The following SCFD2 variants were observed in gnomAD, a reference collection of about 807,000 sequenced individuals.
The protein encoded by SCFD2 is sec1 family domain-containing protein 2.
A neutral mutation model predicts 58.9 loss-of-function variants in SCFD2; 54 were observed. The ratio of observed to expected loss-of-function variants is 0.92; its 90% CI spans 0.74 to 1.15. The LOEUF (loss-of-function observed/expected upper bound fraction) is 1.15. SCFD2 is among the 50% of genes most tolerant of loss of function. SCFD2 has a pLI of 0.00. For synonymous variants in SCFD2, 321 were observed against 335.9 expected, an observed-to-expected ratio of 0.96 and a Z score of 0.49; for missense variants, 805 against 836.6, an observed-to-expected ratio of 0.96 and a Z score of 0.47.
chr4:53,118,966 A>C (rs1725399421), intron 5 of SCFD2, among the ~76,000 whole-genome samples: 1 of 152,170 alleles, frequency 6.6e-6, no homozygotes, highest in Non-Finnish European at 1.5e-5. Flanking sequence ...CTTGAAATGC[A>C]TTTTTAAGTA....
chr4:53,325,024 G>A (rs1332431771), intron 2 of SCFD2, among the ~76,000 whole-genome samples: 6 of 152,102 alleles, frequency 3.9e-5, no homozygotes, highest in Non-Finnish European at 8.8e-5. Context: ...AGATACATAT[G>A]ATCCCCAACC....
intron 5 of SCFD2, among the ~76,000 whole-genome samples, chr4:53,137,171 G>C (rs1725967292): frequency 6.6e-6 from 1 of 152,050 alleles, no homozygotes; most frequent in African/African-American, 2.4e-5. Context: ...GCAGTCAGAG[G>C]TTGCCATGAA....
At chr4:53,086,159 C>T (rs184843409) in intron 5 of SCFD2, among the ~76,000 whole-genome samples, 26 of 152,158 alleles carry the variant, frequency 1.7e-4, no homozygotes, top group African/African-American at 4.6e-4. Flanking sequence ...TCAGAATATA[C>T]GAGGAGCTCG....
At chr4:53,219,942 A>G (rs1457882447) in intron 4 of SCFD2, among the ~76,000 whole-genome samples, 1 of 151,772 alleles carries the variant, frequency 6.6e-6, no homozygotes, top group Non-Finnish European at 1.5e-5. Context: ...ACTTCCAAAC[A>G]CTCACACCAC....
intron 6 of SCFD2, among the ~76,000 whole-genome samples, chr4:52,917,184 GGT>G (rs1394410425): frequency 6.6e-6 from 1 of 152,158 alleles, no homozygotes; most frequent in Non-Finnish European, 1.5e-5. Context: ...TGGGATTACA[GGT>G]GTGAACCACT....
intron 2 of SCFD2, among the ~76,000 whole-genome samples, chr4:53,329,943 A>C (rs1256115142): frequency 3.9e-5 from 6 of 152,018 alleles, no homozygotes; most frequent in Admixed American, 6.5e-5. Flanking sequence ...AACTACATGA[A>C]GAATGCAGAA....
At chr4:53,335,955 T>A (rs1733671051) in intron 2 of SCFD2, among the ~76,000 whole-genome samples, 1 of 152,176 alleles carries the variant, frequency 6.6e-6, no homozygotes, top group African/African-American at 2.4e-5. Context: ...AATCTCTTTA[T>A]ATAAAACATA....
intron 5 of SCFD2, among the ~76,000 whole-genome samples, chr4:52,973,370 ATCAGAGAATAC>A (rs893835890): frequency 3.9e-5 from 6 of 152,260 alleles, no homozygotes; most frequent in Non-Finnish European, 2.9e-5. Flanking sequence ...ACAAACTACC[ATCAGAGAATAC>A]TATAAACAAC....
At chr4:52,905,466 C>A (rs981898385) in intron 7 of SCFD2, among the ~76,000 whole-genome samples, 7 of 152,232 alleles carry the variant, frequency 4.6e-5, no homozygotes, top group Non-Finnish European at 7.3e-5. Flanking sequence ...AACTCTCCCC[C>A]ACCCCCTGTA....
At chr4:52,998,818 T>A (rs1721801202) in intron 5 of SCFD2, among the ~76,000 whole-genome samples, 1 of 152,112 alleles carries the variant, frequency 6.6e-6, no homozygotes, top group Admixed American at 6.6e-5. Context: ...AATAATAATA[T>A]TAACAATAAT....
At chr4:52,885,714 G>A (rs1200741203) in intron 8 of SCFD2, 33 bp downstream of exon 8, 1 of 1,612,044 alleles carries the variant, frequency 6.2e-7, no homozygotes, top group Admixed American at 1.7e-5. Flanking sequence ...CCCTACTTCT[G>A]AGCTCTTGTT....
chr4:53,089,324 C>T (rs1484840162), intron 5 of SCFD2, among the ~76,000 whole-genome samples: 1 of 152,068 alleles, frequency 6.6e-6, no homozygotes, highest in Admixed American at 6.6e-5. Flanking sequence ...ATTTTTCCAG[C>T]TCTTTTAATT....
intron 5 of SCFD2, among the ~76,000 whole-genome samples, chr4:53,050,305 T>C (rs746760895): frequency 6.6e-6 from 1 of 152,238 alleles, no homozygotes; most frequent in Non-Finnish European, 1.5e-5. Flanking sequence ...AAGGCAGTCA[T>C]GAGCACTGCT....
chr4:53,218,756 T>A (rs183823946), intron 4 of SCFD2, among the ~76,000 whole-genome samples: 1 of 152,226 alleles, frequency 6.6e-6, no homozygotes, highest in Admixed American at 6.5e-5. Context: ...CTCTGCTTTT[T>A]CCCCATCTTT....
chr4:52,970,611 A>C (rs1033278364), intron 5 of SCFD2, among the ~76,000 whole-genome samples: 1 of 152,204 alleles, frequency 6.6e-6, no homozygotes, highest in Admixed American at 6.5e-5. Flanking sequence ...GCCAAACAAA[A>C]GGCAGCAGAG....
intron 5 of SCFD2, among the ~76,000 whole-genome samples, chr4:52,990,867 G>T (rs1187157262): frequency 6.6e-6 from 1 of 152,206 alleles, no homozygotes; most frequent in East Asian, 1.9e-4. Context: ...TAACTCTTAC[G>T]CATCAGTTTT....
At chr4:53,099,254 T>A (rs1468927322) in intron 5 of SCFD2, among the ~76,000 whole-genome samples, 1 of 152,102 alleles carries the variant, frequency 6.6e-6, no homozygotes, top group Non-Finnish European at 1.5e-5. Flanking sequence ...ACTTCTACAA[T>A]CTCCTTTTGT....
chr4:52,879,673 C>T (rs569426168), intron 8 of SCFD2, among the ~76,000 whole-genome samples: 2 of 152,358 alleles, frequency 1.3e-5, no homozygotes, highest in African/African-American at 4.8e-5. Flanking sequence ...CTGAACTCCA[C>T]ATGGGCAGCC....
intron 5 of SCFD2, among the ~76,000 whole-genome samples, chr4:53,007,337 A>AGAGAGAGAGAGAGAGG (rs1721996133): frequency 8.2e-6 from 1 of 122,132 alleles, no homozygotes; most frequent in Non-Finnish European, 1.8e-5. Flanking sequence ...AGAGAGAGGG[A>AGAGAGAGAGAGAGAGG]GAGAGAGAGA....
Sources: gnomAD v4.1 joint callset for allele counts (sites outside exome capture counted in the v4.1 genomes callset) on GRCh38, gnomAD v4.1.1 for gene constraint, MANE v1.5 for transcripts, NCBI Gene and HGNC (gene_info 2026-07-23, HGNC 2026-07-21) for gene names.